The following ELMO1 variants were observed in gnomAD, a reference collection of about 807,000 sequenced individuals.
The protein encoded by ELMO1 is engulfment and cell motility 1, also known as engulfment and cell motility protein 1.
A neutral mutation model predicts 98.9 loss-of-function variants in ELMO1; 26 were observed. That is an observed-to-expected ratio of 0.26 (90% confidence interval 0.19 to 0.36). The LOEUF (loss-of-function observed/expected upper bound fraction) is 0.36, where lower values mean the gene tolerates loss of function less well. Among genes scored for constraint, ELMO1 ranks in the 10% least tolerant of loss-of-function variants. The pLI is 1.00. For synonymous variants in ELMO1, 346 were observed against 346.0 expected (o/e 1.00, Z 0.00); for missense variants, 627 against 935.2 (o/e 0.67, Z 4.30).
chr7:37,278,980 T>C (rs1426822814), intron 4 of ELMO1, among the ~76,000 whole-genome samples: 2 of 151,946 alleles, frequency 1.3e-5, no homozygotes, highest in East Asian at 3.9e-4. Context: ...GGCCGGTGGG[T>C]CACGAGGTCA....
intron 4 of ELMO1, among the ~76,000 whole-genome samples, chr7:37,307,570 G>A (rs1022683254): frequency 2.0e-5 from 3 of 152,128 alleles, no homozygotes; most frequent in Non-Finnish European, 4.4e-5. Flanking sequence ...TCAGGTAACC[G>A]AATATTAACA....
chr7:36,971,759 G>C (rs1204333831), intron 16 of ELMO1, among the ~76,000 whole-genome samples: 1 of 152,172 alleles, frequency 6.6e-6, no homozygotes, highest in Admixed American at 6.5e-5. Context: ...CCATAATCTC[G>C]AGTGACTGAT....
intron 4 of ELMO1, among the ~76,000 whole-genome samples, chr7:37,284,031 T>C (rs1247865042): frequency 6.6e-6 from 1 of 152,038 alleles, no homozygotes; most frequent in Non-Finnish European, 1.5e-5. Flanking sequence ...TAGGGGAGTA[T>C]GATACACATT....
intron 6 of ELMO1, among the ~76,000 whole-genome samples, chr7:37,249,571 A>G (rs978665807): frequency 6.6e-6 from 1 of 152,156 alleles, no homozygotes; most frequent in African/African-American, 2.4e-5. Flanking sequence ...TCTGAGGAAA[A>G]CCAGAAAACC....
chr7:37,308,575 T>C (rs1212449010), intron 4 of ELMO1, among the ~76,000 whole-genome samples: 1 of 152,232 alleles, frequency 6.6e-6, no homozygotes, highest in Non-Finnish European at 1.5e-5. Context: ...ATTGTCACTG[T>C]AACTGGTTAA....
intron 15 of ELMO1, among the ~76,000 whole-genome samples, chr7:37,054,141 T>C (rs1209518918): frequency 6.6e-6 from 1 of 152,238 alleles, no homozygotes; most frequent in Admixed American, 6.5e-5. Flanking sequence ...ATATTTAGGA[T>C]ACCTGTGTAA....
intron 1 of ELMO1, among the ~76,000 whole-genome samples, chr7:37,386,403 G>A (rs1802802931): frequency 6.6e-6 from 1 of 151,844 alleles, no homozygotes; most frequent in African/African-American, 2.4e-5. Context: ...TCTCCAGTCT[G>A]TCTCCCCATA....
rs191175317 is a variant in ELMO1 at position 37,312,803 on chromosome 7, C to G, written c.192+2047G>C. Among the ~76,000 whole-genome samples, 351 of 152,312 alleles carry G rather than the reference C, an allele frequency of 2.3e-3. 3 individuals carry two copies. Among genetic ancestry groups the G allele is most frequent in the African/African-American group, 8.1e-3 (337 of 41,560 alleles). ...TCACGACTCAACAGCTTTTTTACCA[C>G]AACCCAGGGTAAATCACCAGTGTAA... On this transcript the variant is annotated intron_variant, in intron 4 of 21. Coordinates refer to ENST00000310758, the MANE Select transcript of ELMO1 (RefSeq NM_014800.11).
chr7:37,255,743 C>T (rs17170967), intron 6 of ELMO1, among the ~76,000 whole-genome samples: 6,952 of 152,274 alleles, frequency 0.046, 373 homozygotes, highest in African/African-American at 0.12. Context: ...GCAGAACCAA[C>T]TCATATCAGC....
At chr7:36,883,625 T>C (rs6945010) in intron 18 of ELMO1, among the ~76,000 whole-genome samples, 15,422 of 152,130 alleles carry the variant, frequency 0.1, 935 homozygotes, top group South Asian at 0.19. Context: ...GCTGTGGCCA[T>C]GTGAAGCTCC....
At chr7:36,942,639 T>G (rs1423838046) in intron 16 of ELMO1, among the ~76,000 whole-genome samples, 4 of 152,234 alleles carry the variant, frequency 2.6e-5, no homozygotes, top group Admixed American at 6.5e-5. Context: ...GGAATAAATC[T>G]GGACAAATGG....
chr7:37,161,877 G>T (rs1789225154), intron 13 of ELMO1, among the ~76,000 whole-genome samples: 1 of 91,236 alleles, frequency 1.1e-5, no homozygotes, highest in South Asian at 4.2e-4. Flanking sequence ...CTTCCACTAA[G>T]GCATTATAGA....
In ELMO1 at chr7:37,014,568, C is replaced by G. The variant is rs1793788208; in HGVS notation, c.1301-1133G>C. 2.0e-5 allele frequency among the ~76,000 whole-genome samples: 3 copies of G among 152,084 alleles called. No individual in the cohort carries two copies. The South Asian group carries it at 6.2e-4, about 32-fold the overall frequency. On this transcript the variant is annotated intron_variant, in intron 15 of 21. Transcript: ENST00000310758. ...TAAACAGCAGCACATCAACCCATCA[C>G]CTACGTTTTAAGCCCCACATGCATT...
chr7:37,068,419 G>A (rs1201689019), intron 15 of ELMO1, among the ~76,000 whole-genome samples: 1 of 152,098 alleles, frequency 6.6e-6, no homozygotes, highest in Non-Finnish European at 1.5e-5. Context: ...AGTTGACAGT[G>A]GCCAATGTAT....
intron 13 of ELMO1, among the ~76,000 whole-genome samples, chr7:37,163,522 C>T (rs1038581789): frequency 3.8e-4 from 40 of 106,458 alleles, no homozygotes; most frequent in African/African-American, 3.7e-4. Flanking sequence ...GTCCCCAGAG[C>T]GTGATGTTCC....
intron 14 of ELMO1, among the ~76,000 whole-genome samples, chr7:37,103,012 C>G (rs1784721910): frequency 6.6e-6 from 1 of 152,142 alleles, no homozygotes; most frequent in East Asian, 1.9e-4. Context: ...ATCCCTTAAC[C>G]TCAGTTTTCT....
intron 4 of ELMO1, among the ~76,000 whole-genome samples, chr7:37,310,117 T>C (rs1334597149): frequency 6.6e-6 from 1 of 152,202 alleles, no homozygotes; most frequent in Non-Finnish European, 1.5e-5. Flanking sequence ...CCCTACTTCC[T>C]TACCAAAGGT....
intron 2 of ELMO1, among the ~76,000 whole-genome samples, chr7:37,324,914 C>T (rs1254028818): frequency 6.6e-6 from 1 of 152,216 alleles, no homozygotes; most frequent in Non-Finnish European, 1.5e-5. Context: ...ACGGCTTCTG[C>T]AGTCCCTGGC....
chr7:37,224,998 G>A lies in ELMO1; in HGVS notation c.582C>T (p.Asp194=). The change falls in exon 9 of 22, where the codon GAC becomes GAT. Residue 194 remains aspartate, a synonymous_variant. Transcript: ENST00000310758. ...IASFVNKSAI[D]ISILQRSLAI... The stretch of plus-strand genomic sequence containing the variant: ...CCAAGGACCGCTGCAGGATCGAGAT[G>A]TCTATGGCTGACTTGTTCACAAAAC... 1 of 1,614,138 alleles carries A rather than the reference G, an allele frequency of 6.2e-7. No homozygotes were observed. The highest frequency in any genetic ancestry group is 8.5e-7 in the Non-Finnish European group (1 of 1,180,000).
Sources: allele counts gnomAD v4.1 joint callset (sites outside exome capture counted in the v4.1 genomes callset), GRCh38; gene constraint gnomAD v4.1.1; transcripts MANE v1.5; gene names NCBI Gene and HGNC (gene_info 2026-07-23, HGNC 2026-07-21).